Variants in GDAP1 observed in about 807,000 individuals in gnomAD.
GDAP1 encodes ganglioside-induced differentiation-associated protein 1.
A neutral mutation model predicts 40.1 loss-of-function variants in GDAP1; 34 were observed. The observed-to-expected ratio is 0.85, with a 90% CI of 0.64 to 1.13. The LOEUF is 1.13. Among genes scored for constraint, GDAP1 ranks in the 50% most tolerant of loss-of-function variants. The pLI, the probability that GDAP1 is intolerant of heterozygous loss-of-function variation, is 0.00. For missense variants in GDAP1, 374 were observed against 433.7 expected, an observed-to-expected ratio of 0.86 and a Z score of 1.22; for synonymous variants, 170 against 157.4, an observed-to-expected ratio of 1.08 and a Z score of -0.60.
chr8:74,361,546 G>A (rs1489751832), intron 3 of GDAP1, among the ~76,000 whole-genome samples: 4 of 152,032 alleles, frequency 2.6e-5, no homozygotes, highest in East Asian at 1.9e-4. Context: ...ACAGGCATGC[G>A]CCACCACGCC....
chr8:74,422,490 T>TCTCTCC (rs1347904705), intron 2 of GDAP1, among the ~76,000 whole-genome samples: 2 of 126,658 alleles, frequency 1.6e-5, no homozygotes, highest in African/African-American at 3.1e-5. Flanking sequence ...CCCTCCCTCC[T>TCTCTCC]TTCTCCTTCC....
rs1351790324 is a variant in GDAP1 at position 74,360,203 on chromosome 8, A to G, written c.377A>G (p.Glu126Gly). 1 of 1,613,536 alleles carries G rather than the reference A, an allele frequency of 6.2e-7. No individual in the cohort carries two copies. The highest frequency in any genetic ancestry group is 8.5e-7 in the Non-Finnish European group (1 of 1,179,472). The stretch of plus-strand genomic sequence containing the variant: ...TACCCACGGGTACAACATTACCGAG[A>G]GCTGCTTGACTCCTTGCCAATGGAT... The part of the protein sequence containing the change: ...MYYPRVQHYR[E>G]LLDSLPMDAY... Residue 126 changes from glutamate (E) to glycine (G), a missense_variant, in exon 3 of 6, where the codon GAG (glutamate) becomes GGG (glycine). Transcript: ENST00000220822.
At chr8:74,396,126 G>A (rs954611690) in intron 2 of GDAP1, among the ~76,000 whole-genome samples, 1 of 151,972 alleles carries the variant, frequency 6.6e-6, no homozygotes, top group African/African-American at 2.4e-5. Context: ...TTCTACAATA[G>A]AAACACTGGA....
chr8:74,386,347 T>C (rs1810024874), intron 2 of GDAP1, among the ~76,000 whole-genome samples: 1 of 152,224 alleles, frequency 6.6e-6, no homozygotes, highest in African/African-American at 2.4e-5. Flanking sequence ...CCTTAATCTA[T>C]CTTGTATTAA....
At chr8:74,395,774 T>C (rs2131545426) in intron 2 of GDAP1, among the ~76,000 whole-genome samples, 1 of 152,176 alleles carries the variant, frequency 6.6e-6, no homozygotes, top group East Asian at 1.9e-4. Flanking sequence ...GGTTTTAGGC[T>C]TAATGGAAGT....
intron 2 of GDAP1, among the ~76,000 whole-genome samples, chr8:74,466,452 T>C (rs1806471078): frequency 6.6e-6 from 1 of 152,156 alleles, no homozygotes; most frequent in African/African-American, 2.4e-5. Context: ...ACCACAGTAA[T>C]TGAGAGCCAA....
intron 2 of GDAP1, among the ~76,000 whole-genome samples, chr8:74,373,461 G>A (rs1232030114): frequency 2.6e-5 from 4 of 152,140 alleles, no homozygotes. Context: ...TCTCCTTGAA[G>A]AGGTCCTTCA....
intron 2 of GDAP1, among the ~76,000 whole-genome samples, chr8:74,359,124 A>T (rs1423012306): frequency 6.6e-6 from 1 of 152,164 alleles, no homozygotes; most frequent in African/African-American, 2.4e-5. Context: ...AAATGTTATG[A>T]TGGTATAATC....
rs187046651 is a variant in GDAP1, at chr8:74,406,794, A to C, written c.165+55473A>C. On this transcript the variant is annotated intron_variant, in intron 2 of 2. Coordinates refer to the GDAP1 transcript ENST00000523640. ...TAGTGGATTGCGGCTTTTGACAAAT[A>C]ATTGTTCAGGCTGGTACTAGGGAAG... Among the ~76,000 whole-genome samples, 39 of 150,016 alleles carry C rather than the reference A, an allele frequency of 2.6e-4. No individual in the cohort carries two copies. The East Asian group carries it at 7.2e-3, about 28-fold the overall frequency.
At chr8:74,450,462 CTTT>C (rs1172008042) in intron 2 of GDAP1, among the ~76,000 whole-genome samples, 1 of 151,666 alleles carries the variant, frequency 6.6e-6, no homozygotes. Context: ...TGAATGTGAT[CTTT>C]TTTGTCCCTT....
At chr8:74,480,237 T>C (rs982608479) in intron 2 of GDAP1, among the ~76,000 whole-genome samples, 1 of 151,996 alleles carries the variant, frequency 6.6e-6, no homozygotes, top group Non-Finnish European at 1.5e-5. Context: ...ATCACCCGCC[T>C]CGGCCTCCCA....
chr8:74,360,827 A>C (rs1320701600), intron 3 of GDAP1, among the ~76,000 whole-genome samples: 2 of 152,248 alleles, frequency 1.3e-5, no homozygotes, highest in African/African-American at 4.8e-5. Flanking sequence ...TCATGAGAAT[A>C]GTCAGTGCAT....
intron 2 of GDAP1, among the ~76,000 whole-genome samples, chr8:74,476,143 T>G (rs1307689071): frequency 6.6e-6 from 1 of 152,238 alleles, no homozygotes; most frequent in Non-Finnish European, 1.5e-5. Flanking sequence ...TTGGCAGATT[T>G]TTCTCCATCC....
At chr8:74,471,373 G>A (rs1026566225) in intron 2 of GDAP1, among the ~76,000 whole-genome samples, 1 of 150,232 alleles carries the variant, frequency 6.7e-6, no homozygotes, top group Non-Finnish European at 1.5e-5. Flanking sequence ...TTTTGCTAGT[G>A]GTTTATTTTA....
intron 2 of GDAP1, among the ~76,000 whole-genome samples, chr8:74,426,926 T>G (rs77079429): frequency 7.6e-4 from 115 of 152,314 alleles, no homozygotes; most frequent in Non-Finnish European, 1.5e-3. Context: ...GGCACTTGGC[T>G]TACTTTGAGC....
intron 2 of GDAP1, among the ~76,000 whole-genome samples, chr8:74,387,707 G>A (rs930650975): frequency 1.3e-5 from 2 of 152,164 alleles, no homozygotes; most frequent in African/African-American, 4.8e-5. Flanking sequence ...AAATTAGTTA[G>A]GGAGGAGTCC....
At chr8:74,375,040 A>G (rs890566899) in intron 2 of GDAP1, among the ~76,000 whole-genome samples, 5 of 150,666 alleles carry the variant, frequency 3.3e-5, no homozygotes. Context: ...AATAAGAAAA[A>G]TATTGGGCCA....
chr8:74,435,338 T>C lies in GDAP1; in HGVS notation c.166-53340T>C, dbSNP rs1442110383. 2.0e-5 allele frequency among the ~76,000 whole-genome samples: 3 copies of C among 152,282 alleles called. No homozygotes were observed. In the East Asian group the frequency reaches 5.8e-4, roughly 29 times the overall value. ...ACCCTCAAGAGCCATACCTGCTATT[T>C]TCAGAGAGCTAGAGAAACATCCTAT... is the stretch of plus-strand genomic sequence containing the variant. On this transcript the variant is annotated intron_variant, in intron 2 of 2. Coordinates refer to the GDAP1 transcript ENST00000523640.
At chr8:74,362,417 T>C (rs890296711) in intron 4 of GDAP1, among the ~76,000 whole-genome samples, 1 of 152,104 alleles carries the variant, frequency 6.6e-6, no homozygotes, top group East Asian at 1.9e-4. Flanking sequence ...TTCTCTCATA[T>C]TAAAAGTGTA....
Sources: gnomAD v4.1 joint callset for allele counts (sites outside exome capture counted in the v4.1 genomes callset) on GRCh38, gnomAD v4.1.1 for gene constraint, MANE v1.5 for transcripts, NCBI Gene and HGNC (gene_info 2026-07-23, HGNC 2026-07-21) for gene names.